Variants in DLL3 observed in about 807,000 individuals in gnomAD.
DLL3 encodes the protein delta like canonical Notch ligand 3, also known as delta-like protein 3.
In DLL3, 49 loss-of-function variants were observed where a neutral mutation model predicts 55.0. That is an observed-to-expected ratio of 0.89 (90% CI 0.71 to 1.13). The LOEUF (loss-of-function observed/expected upper bound fraction) is 1.13. DLL3 is among the 50% of genes most tolerant of loss of function. DLL3 has a pLI of 0.00. For missense variants in DLL3, 962 were observed against 875.5 expected (o/e 1.10, Z -1.25); for synonymous variants, 421 against 385.2 (o/e 1.09, Z -1.09).
chr19:39,499,363 G>A lies in DLL3; in HGVS notation c.241G>A (p.Ala81Thr), dbSNP rs553623075. ...CGCCGAGTCCCCGTGCGCCCTGGGC[G>A]CGGCGCTGAGTGCGCGCGGACCGGT... ...EAAESPCALG[A>T]ALSARGPVYT... The change falls in exon 2 of 9, where the codon GCG (alanine) becomes ACG (threonine). Residue 81 changes from alanine to threonine, a missense_variant. By Grantham distance (58) the Ala-to-Thr change is moderately conservative (BLOSUM62 0). Transcript: ENST00000356433. The A allele has an allele frequency of 2.5e-5, 39 of 1,559,584 alleles. No homozygotes were observed. The East Asian group carries it at 8.5e-4, about 34-fold the overall frequency.
In DLL3 at chr19:39,507,556, C is replaced by T. The variant is rs1239116683; in HGVS notation, c.1611C>T (p.Val537=). ...TGGCTGGGACCCCGGAGCCGTCAGT[C>T]CACGCACTCCCGGATGCACTCAACA... is the stretch of plus-strand genomic sequence containing the variant. ...RLLAGTPEPS[V]HALPDALNNL... is the part of the protein sequence containing the mutation. Residue 537 remains valine (V), a synonymous_variant, in exon 7 of 9, where the codon GTC becomes GTT. Transcript: ENST00000356433. 4 of 1,608,006 alleles carry T rather than the reference C, an allele frequency of 2.5e-6. No homozygotes were observed. The highest frequency in any genetic ancestry group is 3.4e-6 in the Non-Finnish European group (4 of 1,177,892).
In DLL3 at chr19:39,507,729, C is replaced by G; in HGVS notation, c.1674-101C>G. 1.9e-6 allele frequency: 3 copies of G among 1,601,394 alleles called. No homozygotes were observed. In the South Asian group the frequency reaches 3.3e-5, roughly 18 times the overall value. On this transcript the variant is annotated intron_variant, in intron 7 of 8. Transcript: ENST00000356433. ...GCATTTCCCTGGTCGGTCTCTCTTA[C>G]CCCGGTAGCTGGTTTTGGGTTCCCC...
In DLL3 at chr19:39,508,248, C is replaced by G. The variant is rs1042200897; in HGVS notation, c.1759-4C>G. 5 of 1,612,710 alleles carry G rather than the reference C, an allele frequency of 3.1e-6. No homozygotes were observed. The highest frequency in any genetic ancestry group is 4.2e-6 in the Non-Finnish European group (5 of 1,178,824). On this transcript the variant is annotated splice_polypyrimidine_tract_variant and splice_region_variant and intron_variant, in intron 8 of 8. Coordinates refer to ENST00000356433, the MANE Select transcript of DLL3 (RefSeq NM_203486.3). Reference sequence around the variant, plus strand: ...CTAATGCTTCCTACTCATTTTGTTTCTAGGCCTGACGCGTCTCCTCCATCC... The same window carrying G: ...CTAATGCTTCCTACTCATTTTGTTTGTAGGCCTGACGCGTCTCCTCCATCC...
intron 1 of DLL3, 61 bp downstream of exon 1, chr19:39,499,104 G>A: frequency 6.2e-7 from 1 of 1,613,386 alleles, no homozygotes; most frequent in East Asian, 2.2e-5. Context: ...GGGTGAGTGC[G>A]ACCTGAAGGT....
chr19:39,502,219 G>A (rs1228548492), intron 3 of DLL3, among the ~76,000 whole-genome samples: 1 of 151,868 alleles, frequency 6.6e-6, no homozygotes, highest in Non-Finnish European at 1.5e-5. Flanking sequence ...AAATATCTGG[G>A]TCAAAATACA....
chr19:39,507,492 G>A lies in DLL3; in HGVS notation c.1547G>A (p.Arg516His). ...AGAALLLVHV[R>H]RRGHSQDAGS... The stretch of plus-strand genomic sequence containing the variant: ...GCTGCGCTCTTGCTGGTCCACGTGC[G>A]CCGCCGTGGCCACTCCCAGGATGCT... Residue 516 changes from arginine to histidine, a missense_variant, in exon 7 of 9, where the codon CGC (arginine) becomes CAC (histidine). Coordinates refer to ENST00000356433, the MANE Select transcript of DLL3 (RefSeq NM_203486.3). 6.3e-7 allele frequency: 1 copy of A among 1,594,072 alleles called. No individual in the cohort carries two copies. The highest frequency in any genetic ancestry group is 8.5e-7 in the Non-Finnish European group (1 of 1,171,602).
At chr19:39,507,702 A>G (rs999696377) in intron 7 of DLL3, 84 bp downstream of exon 7, 3 of 1,592,422 alleles carry the variant, frequency 1.9e-6, no homozygotes, top group Admixed American at 1.8e-5. Context: ...CGATTCCTTG[A>G]TGCATTTCCC....
chr19:39,498,979 T>C lies in DLL3; in HGVS notation c.5T>C (p.Val2Ala), dbSNP rs751518222. M[V>A]SPRMSGLLSQ... ...AGACCCCCCCACCAGAAGGCCATGG[T>C]CTCCCCACGGATGTCCGGGCTCCTC... The change falls in exon 1 of 9, where the codon GTC becomes GCC. Residue 2 changes from valine (V) to alanine (A), a missense_variant. Val to Ala is a moderately conservative substitution (Grantham distance 64, BLOSUM62 0). Transcript: ENST00000356433. The C allele has an allele frequency of 2.5e-6, 4 of 1,612,404 alleles. No homozygotes were observed. In the South Asian group the frequency reaches 4.4e-5, roughly 18 times the overall value.
chr19:39,508,406 T>G lies in DLL3; in HGVS notation c.*149T>G, dbSNP rs1198826775. 1 of 859,066 alleles carries G rather than the reference T, an allele frequency of 1.2e-6. No homozygotes were observed. The highest frequency in any genetic ancestry group is 2.5e-5 in the East Asian group (1 of 39,570). 53.2% of individuals were successfully genotyped at this position (859,066 alleles called of 1,614,324 possible). ...GTTGCAAGTTGTAAATAATGGTTAT[T>G]TATATCCTATTTTTTCTCACCCCAT... On this transcript the variant is annotated 3_prime_UTR_variant, in exon 9 of 9. Transcript: ENST00000356433.
chr19:39,503,167 T>G, intron 4 of DLL3, 110 bp downstream of exon 4: 1 of 1,180,234 alleles, frequency 8.5e-7, no homozygotes, highest in Non-Finnish European at 1.1e-6. Context: ...CTCTTCAGGG[T>G]ACTCTAGAGT....
At position 39,503,039 on chromosome 19, in the gene DLL3, G is replaced by T; in HGVS notation, c.634G>T (p.Asp212Tyr). Residue 212 changes from aspartate to tyrosine, a missense_variant, in exon 4 of 9, where the codon GAC becomes TAC. Transcript: ENST00000356433. ...PGLRPCAPLEDECEAPLVCRA... is the reference protein window; with the variant it reads ...PGLRPCAPLEYECEAPLVCRA... ...ACTGCGCCCCTGCGCACCGCTCGAG[G>T]ACGAATGTGAGGCGCCGCGTGAGTC... The T allele has an allele frequency of 1.3e-6, 2 of 1,521,658 alleles. No homozygotes were observed. Among genetic ancestry groups the T allele is most frequent in the East Asian group, 2.5e-5 (1 of 39,492 alleles). The allele number at this position is 1,521,658 out of a possible 1,614,324, so 94.3% of individuals were successfully genotyped here. A position where few individuals can be genotyped will look rare whatever the true frequency, so the allele number is the denominator to read the frequency against.
rs1369007410 is a variant in DLL3 at position 39,507,202 on chromosome 19, G to T, written c.1257G>T (p.Leu419=). ...GCGCGCACCGCTGCTCCTGCGCGCT[G>T]GGCTTCGGCGGCCGCGACTGCCGCG... ...GGGAHRCSCA[L]GFGGRDCRER... is the part of the protein sequence containing the mutation. The change falls in exon 7 of 9, where the codon CTG becomes CTT. Residue 419 remains leucine (L), a synonymous_variant. Transcript: ENST00000356433. The T allele has an allele frequency of 1.5e-6, 2 of 1,316,422 alleles. No homozygotes were observed. Among genetic ancestry groups the T allele is most frequent in the Non-Finnish European group, 1.9e-6 (2 of 1,043,258 alleles). 81.5% of individuals were successfully genotyped at this position (1,316,422 alleles called of 1,614,324 possible).
rs1368124160 is a variant in DLL3, at chr19:39,507,225, G to A, written c.1280G>A (p.Arg427His). ...CALGFGGRDC[R>H]ERADPCAARP... ...CTGGGCTTCGGCGGCCGCGACTGCC[G>A]CGAGCGCGCGGACCCGTGCGCCGCG... The change falls in exon 7 of 9, where the codon CGC becomes CAC. Residue 427 changes from arginine (R) to histidine (H), a missense_variant. Arg to His is a conservative substitution (Grantham distance 29, BLOSUM62 0). Coordinates refer to ENST00000356433, the MANE Select transcript of DLL3 (RefSeq NM_203486.3). The A allele has an allele frequency of 2.9e-6, 4 of 1,368,562 alleles. No individual in the cohort carries two copies. The highest frequency in any genetic ancestry group is 7.5e-5 in the Admixed American group (2 of 26,588). The allele number at this position is 1,368,562 out of a possible 1,614,324, so 84.8% of individuals were successfully genotyped here.
intron 2 of DLL3, 69 bp from the exon 3 acceptor site, chr19:39,500,546 G>T: frequency 7.1e-7 from 1 of 1,415,338 alleles, no homozygotes. Context: ...CTGAACTCTG[G>T]CCTTCATTGA....
In DLL3 at chr19:39,499,045, TC is replaced by T; in HGVS notation, c.69+3del. On this transcript the variant is annotated splice_donor_region_variant and intron_variant, in intron 1 of 8. Coordinates refer to ENST00000356433, the MANE Select transcript of DLL3 (RefSeq NM_203486.3). ...CTAGCGCTCATTTTCCTCCCCCAGG[TC>T]AGAGCCAGGTGGGAGGTGGCGTGGA... The T allele has an allele frequency of 6.2e-6, 10 of 1,613,542 alleles. No individual in the cohort carries two copies. The highest frequency in any genetic ancestry group is 7.6e-6 in the Non-Finnish European group (9 of 1,179,936).
rs2079616915 is a variant in DLL3 at position 39,502,811 on chromosome 19, G to A, written c.410-4G>A. 2 of 1,416,978 alleles carry A rather than the reference G, an allele frequency of 1.4e-6. No homozygotes were observed. The highest frequency in any genetic ancestry group is 3.1e-5 in the South Asian group (2 of 64,898). 87.8% of individuals were successfully genotyped at this position (1,416,978 alleles called of 1,614,324 possible). On this transcript the variant is annotated splice_region_variant and splice_polypyrimidine_tract_variant and intron_variant, in intron 3 of 8. Coordinates refer to ENST00000356433, the MANE Select transcript of DLL3 (RefSeq NM_203486.3). ...CAGCACCCCTCCTTTGCCTGTCCTC[G>A]CAGGGCCCGCCTGGAGCCTGCTGGC...
chr19:39,499,964 A>G (rs550824425), intron 2 of DLL3, among the ~76,000 whole-genome samples: 1 of 151,940 alleles, frequency 6.6e-6, no homozygotes, highest in Non-Finnish European at 1.5e-5. Context: ...CACAAAGATG[A>G]ACAGACCTGT....
At position 39,499,037 on chromosome 19, in the gene DLL3, C is replaced by T. The variant is rs146255899; in HGVS notation, c.63C>T (p.Leu21=). 1.8e-4 allele frequency: 292 copies of T among 1,614,076 alleles called. 2 individuals carry two copies. The African/African-American group carries it at 3.6e-3, about 20-fold the overall frequency. ...CTGTGATCCTAGCGCTCATTTTCCT[C>T]CCCCAGGTCAGAGCCAGGTGGGAGG... is the stretch of plus-strand genomic sequence containing the variant. The part of the protein sequence containing the change: ...SQTVILALIF[L]PQTRPAGVFE... The change falls in exon 1 of 9, where the codon CTC becomes CTT. Residue 21 remains leucine, a synonymous_variant. Coordinates refer to ENST00000356433, the MANE Select transcript of DLL3 (RefSeq NM_203486.3).
Position 39,499,377 on chromosome 19 carries a change from G to A in DLL3, c.255G>A (p.Ala85=). ...GCGCCCTGGGCGCGGCGCTGAGTGC[G>A]CGCGGACCGGTCTACACCGAGCAGC... The part of the protein sequence containing the change: ...SPCALGAALS[A]RGPVYTEQPG... The change falls in exon 2 of 9, where the codon GCG becomes GCA. Residue 85 remains alanine, a synonymous_variant. Coordinates refer to ENST00000356433, the MANE Select transcript of DLL3 (RefSeq NM_203486.3). The A allele has an allele frequency of 6.4e-7, 1 of 1,566,950 alleles. No individual in the cohort carries two copies. Among genetic ancestry groups the A allele is most frequent in the Non-Finnish European group, 8.6e-7 (1 of 1,163,452 alleles).
Sources: gnomAD v4.1 joint callset for allele counts (sites outside exome capture counted in the v4.1 genomes callset) on GRCh38, gnomAD v4.1.1 for gene constraint, MANE v1.5 for transcripts, NCBI Gene and HGNC (gene_info 2026-07-23, HGNC 2026-07-21) for gene names.